The following REPS2 variants were observed in gnomAD, a reference collection of about 807,000 sequenced individuals.
REPS2 encodes RALBP1 associated Eps domain containing 2.
In REPS2, 23 loss-of-function variants were observed where a neutral mutation model predicts 53.6. That is an observed-to-expected ratio of 0.43 (90% CI 0.31 to 0.61). The LOEUF is 0.61. Among genes scored for constraint, REPS2 ranks in the 20% least tolerant of loss-of-function variants. The probability of loss-of-function intolerance (pLI) is 0.11; values close to 1 mark genes in which losing one functional copy is unlikely to be tolerated. For synonymous variants in REPS2, 238 were observed against 218.6 expected, an observed-to-expected ratio of 1.09 and a Z score of -0.78; for missense variants, 446 against 534.9, an observed-to-expected ratio of 0.83 and a Z score of 1.64.
At chrX:16,962,966 G>C (rs2060684635) in intron 1 of REPS2, among the ~76,000 whole-genome samples, 1 of 111,351 alleles carries the variant, frequency 9.0e-6, no homozygotes, top group South Asian at 3.8e-4. Flanking sequence ...GCGTGTGGTA[G>C]TGCATGCCTG....
At chrX:17,112,108 T>C (rs1337930969) in intron 14 of REPS2, among the ~76,000 whole-genome samples, 2 of 110,152 alleles carry the variant, frequency 1.8e-5, no homozygotes, top group Non-Finnish European at 3.8e-5. Flanking sequence ...TATAGGTCCT[T>C]GCTGCCACAC....
At chrX:16,974,615 A>G (rs2060933466) in intron 1 of REPS2, among the ~76,000 whole-genome samples, 1 of 111,214 alleles carries the variant, frequency 9.0e-6, no homozygotes, top group African/African-American at 3.3e-5. Context: ...ACTGCACTCC[A>G]GCCTGGGCGA....
intron 14 of REPS2, among the ~76,000 whole-genome samples, chrX:17,128,658 T>C (rs1451355547): frequency 8.9e-6 from 1 of 112,157 alleles, no homozygotes; most frequent in Non-Finnish European, 1.9e-5. Flanking sequence ...AATGAATGCA[T>C]AGAAATGCTT....
chrX:17,179,915 C>G, the REPS2 span, among the ~76,000 whole-genome samples: 1 of 112,011 alleles, frequency 8.9e-6, no homozygotes, highest in South Asian at 3.8e-4. Flanking sequence ...TCAGTTAGCT[C>G]TATATTAATT....
At chrX:17,069,017 G>A (rs1313240661) in intron 10 of REPS2, among the ~76,000 whole-genome samples, 1 of 111,555 alleles carries the variant, frequency 9.0e-6, no homozygotes, top group African/African-American at 3.3e-5. Flanking sequence ...TCCCAGGGAA[G>A]AGTTGGCTTG....
intron 2 of REPS2, among the ~76,000 whole-genome samples, chrX:17,017,923 A>G (rs2061519931): frequency 8.9e-6 from 1 of 112,284 alleles, no homozygotes; most frequent in Non-Finnish European, 1.9e-5. Context: ...TTTCATTAAT[A>G]GTTTTTAATG....
chrX:17,166,509 G>C, the REPS2 span, among the ~76,000 whole-genome samples: 87 of 112,264 alleles, frequency 7.7e-4, no homozygotes, highest in Middle Eastern at 0.037. Context: ...CTGCTCACAG[G>C]AGCCTGCAAC....
At chrX:17,077,196 A>G (rs1012892173) in intron 12 of REPS2, 75 bp from the exon 13 acceptor site, 1 of 1,043,682 alleles carries the variant, frequency 9.6e-7, no homozygotes, top group East Asian at 3.3e-5. Flanking sequence ...CTTCGTGGGT[A>G]TTTTCCATTT....
intron 12 of REPS2, among the ~76,000 whole-genome samples, chrX:17,075,059 T>C (rs983178990): frequency 8.9e-6 from 1 of 112,323 alleles, no homozygotes; most frequent in Non-Finnish European, 1.9e-5. Context: ...TTTTGTTTCC[T>C]TGTTTATGTA....
chrX:17,004,577 A>C (rs1200340725), intron 1 of REPS2, among the ~76,000 whole-genome samples: 1 of 110,962 alleles, frequency 9.0e-6, no homozygotes, highest in Non-Finnish European at 1.9e-5. Flanking sequence ...TAACTCACTT[A>C]TGTGTATATA....
chrX:17,135,858 A>G (rs996557235), intron 16 of REPS2: 4 of 118,918 alleles, frequency 3.4e-5, no homozygotes, highest in African/African-American at 9.7e-5. Flanking sequence ...AAATCTCCGT[A>G]AAGAGTTTCT....
chrX:17,170,595 T>A, the REPS2 span, among the ~76,000 whole-genome samples: 1 of 112,597 alleles, frequency 8.9e-6, no homozygotes, highest in African/African-American at 3.2e-5. Context: ...ACATTGTTCC[T>A]TTCTGCCATG....
the REPS2 span, among the ~76,000 whole-genome samples, chrX:17,186,700 C>T: frequency 8.9e-6 from 1 of 111,989 alleles, no homozygotes; most frequent in Admixed American, 9.5e-5. Flanking sequence ...TATGGAAACA[C>T]AGAAGCACAG....
At chrX:17,061,931 A>G (rs1023739264) in intron 8 of REPS2, among the ~76,000 whole-genome samples, 1 of 112,535 alleles carries the variant, frequency 8.9e-6, no homozygotes, top group African/African-American at 3.2e-5. Context: ...CTGCCAACCA[A>G]GGAGATAAAT....
At chrX:17,105,854 A>G (rs995843891) in intron 14 of REPS2, among the ~76,000 whole-genome samples, 3 of 112,152 alleles carry the variant, frequency 2.7e-5, no homozygotes, top group Admixed American at 1.9e-4. Flanking sequence ...TCAAGTTGGT[A>G]TTGACCCTAT....
At chrX:17,036,618 G>A (rs1338868331) in intron 5 of REPS2, among the ~76,000 whole-genome samples, 2 of 111,408 alleles carry the variant, frequency 1.8e-5, no homozygotes, top group Non-Finnish European at 3.8e-5. Context: ...TGCCTGCAGT[G>A]CAGATTTCTT....
chrX:17,025,867 G>T (rs1026190976), intron 4 of REPS2, among the ~76,000 whole-genome samples: 8 of 111,201 alleles, frequency 7.2e-5, no homozygotes, highest in African/African-American at 2.6e-4. Flanking sequence ...TGCCTCCTGG[G>T]GTTCAGACTC....
At chrX:17,029,267 T>C (rs1055649908) in intron 4 of REPS2, among the ~76,000 whole-genome samples, 2 of 112,159 alleles carry the variant, frequency 1.8e-5, no homozygotes, top group Non-Finnish European at 3.8e-5. Context: ...GTTCTCACTG[T>C]TCCACCTTCA....
the REPS2 span, among the ~76,000 whole-genome samples, chrX:17,178,690 G>A: frequency 9.0e-6 from 1 of 111,598 alleles, no homozygotes; most frequent in Non-Finnish European, 1.9e-5. Context: ...AGCACTTTCG[G>A]AGGCCAAGGC....
Sources: allele counts gnomAD v4.1 joint callset (sites outside exome capture counted in the v4.1 genomes callset), GRCh38; gene constraint gnomAD v4.1.1; transcripts MANE v1.5; gene names NCBI Gene and HGNC (gene_info 2026-07-23, HGNC 2026-07-21).